The following AEBP2 variants were observed in gnomAD, a reference collection of about 807,000 sequenced individuals.
AEBP2 encodes the protein zinc finger protein AEBP2.
Under a neutral mutation model 50.8 loss-of-function variants are expected in AEBP2, and 10 were observed. The observed-to-expected ratio is 0.20, with a 90% CI of 0.12 to 0.33. The LOEUF is 0.33. AEBP2 is among the 10% of genes least tolerant of loss of function. The pLI is 1.00. For synonymous variants in AEBP2, 296 were observed against 261.3 expected, an observed-to-expected ratio of 1.13 and a Z score of -1.28; for missense variants, 570 against 688.0, an observed-to-expected ratio of 0.83 and a Z score of 1.92.
chr12:19,429,629 T>C (rs2095750407), intron 1 of AEBP2, among the ~76,000 whole-genome samples: 1 of 152,208 alleles, frequency 6.6e-6, no homozygotes, highest in Non-Finnish European at 1.5e-5. Context: ...CCACATCCTC[T>C]CCAGCACCTG....
chr12:19,462,620 A>G lies in AEBP2; in HGVS notation c.782A>G (p.Tyr261Cys), dbSNP rs1948399435. 5 of 1,613,986 alleles carry G rather than the reference A, an allele frequency of 3.1e-6. No homozygotes were observed. In the South Asian group the frequency reaches 4.4e-5, roughly 14 times the overall value. ...STTSSSKNIA[Y>C]NCCWDQCQAC... ...ACTTCTTCAAGCAAAAATATTGCCT[A>G]TAATTGTTGTTGGGACCAGTGCCAG... The change falls in exon 2 of 8, where the codon TAT becomes TGT. Residue 261 changes from tyrosine (Y) to cysteine (C), a missense_variant. Physicochemically the swap from Tyr to Cys is radical, Grantham distance 194. This residue lies in a region of AEBP2 where 184 missense variants were observed against 351.2 expected (regional missense o/e 0.52). Transcript: ENST00000266508.
At chr12:19,502,674 C>T (rs1949100010) in intron 5 of AEBP2, among the ~76,000 whole-genome samples, 1 of 148,614 alleles carries the variant, frequency 6.7e-6, no homozygotes, top group African/African-American at 2.5e-5. Flanking sequence ...TTGAGATGGA[C>T]TTTCGCTCTT....
intron 1 of AEBP2, among the ~76,000 whole-genome samples, chr12:19,416,235 A>C (rs2153363884): frequency 6.6e-6 from 1 of 152,286 alleles, no homozygotes; most frequent in African/African-American, 2.4e-5. Flanking sequence ...TGTATCTGCC[A>C]AACAGAATTT....
rs560804181 is a variant in AEBP2, at chr12:19,473,440, C to T, written c.987+85C>T. 9.3e-4 allele frequency: 506 copies of T among 544,970 alleles called. 3 individuals are homozygous for T. The African/African-American group carries it at 9.6e-3, about 10-fold the overall frequency. 33.8% of individuals were successfully genotyped at this position (544,970 alleles called of 1,614,324 possible). On this transcript the variant is annotated intron_variant, in intron 3 of 7. Transcript: ENST00000266508. ...TTATTTATGACAGAAGAGTCTCACTCTGTTGCCCAGGCTGGAGTGCAATGG... is the reference window on the plus strand; with the variant it reads ...TTATTTATGACAGAAGAGTCTCACTTTGTTGCCCAGGCTGGAGTGCAATGG...
intron 1 of AEBP2, chr12:19,456,198 C>G: frequency 7.6e-7 from 1 of 1,317,802 alleles, no homozygotes; most frequent in Non-Finnish European, 1.1e-6. Context: ...TGAGACCATT[C>G]TTCCACCACT....
At chr12:19,507,634 C>T (rs1475105047) in intron 5 of AEBP2, among the ~76,000 whole-genome samples, 2 of 149,834 alleles carry the variant, frequency 1.3e-5, no homozygotes, top group Non-Finnish European at 2.9e-5. Context: ...GGAAAAGTCA[C>T]AAAGGTGGAA....
Position 19,520,972 on chromosome 12 carries a change from A to G in AEBP2, c.*2855A>G, listed in dbSNP as rs984283142. Reference sequence around the variant, plus strand: ...TGTTGTATAAAATTACCTTCAGTCTATGTGTATAAGGTGTTTGTGAGATAT... The same window carrying G: ...TGTTGTATAAAATTACCTTCAGTCTGTGTGTATAAGGTGTTTGTGAGATAT... On this transcript the variant is annotated 3_prime_UTR_variant, in exon 8 of 8. Transcript: ENST00000266508. The G allele has an allele frequency of 7.2e-5, 11 of 152,174 alleles. No homozygotes were observed. The highest frequency in any genetic ancestry group is 3.3e-4 in the Admixed American group (5 of 15,266). The allele number at this position is 152,174 out of a possible 1,614,324, so 9.4% of individuals were successfully genotyped here.
chr12:19,487,477 G>A (rs766582744), intron 3 of AEBP2, among the ~76,000 whole-genome samples: 3 of 152,140 alleles, frequency 2.0e-5, no homozygotes, highest in Non-Finnish European at 2.9e-5. Flanking sequence ...CAGCACTTTG[G>A]GAGGCCAAGG....
chr12:19,484,520 A>G (rs1486469900), intron 3 of AEBP2, among the ~76,000 whole-genome samples: 1 of 151,590 alleles, frequency 6.6e-6, no homozygotes, highest in East Asian at 1.9e-4. Context: ...GACTACAGGT[A>G]CCCACCACCA....
intron 1 of AEBP2, among the ~76,000 whole-genome samples, chr12:19,454,821 C>G (rs955313653): frequency 6.6e-6 from 1 of 152,130 alleles, no homozygotes; most frequent in Non-Finnish European, 1.5e-5. Context: ...AGCTACAACA[C>G]AAATGAATTT....
In AEBP2 at chr12:19,439,960, C is replaced by G. The variant is rs1345010081; in HGVS notation, c.261C>G (p.Pro87=). ...CAGAGACGATGTCGGAGCCGAGCCC[C>G]GAGAGCGCCAGCCAGGCCGGGGAGG... The part of the protein sequence containing the change: ...GEAETMSEPS[P]ESASQAGEDE... The change falls in exon 1 of 8, where the codon CCC becomes CCG. Residue 87 remains proline, a synonymous_variant. Coordinates refer to ENST00000266508, the MANE Select transcript of AEBP2 (RefSeq NM_153207.5). The G allele has an allele frequency of 2.0e-6, 3 of 1,517,820 alleles. No individual in the cohort carries two copies. The highest frequency in any genetic ancestry group is 2.6e-6 in the Non-Finnish European group (3 of 1,139,764). 94.0% of individuals were successfully genotyped at this position (1,517,820 alleles called of 1,614,324 possible).
chr12:19,424,644 C>A (rs2095747605), intron 1 of AEBP2, among the ~76,000 whole-genome samples: 1 of 151,886 alleles, frequency 6.6e-6, no homozygotes, highest in East Asian at 2.0e-4. Flanking sequence ...GATCCGCCCG[C>A]CTCAGCCTCC....
intron 1 of AEBP2, among the ~76,000 whole-genome samples, chr12:19,414,768 C>A (rs2153363649): frequency 6.6e-6 from 1 of 152,184 alleles, no homozygotes; most frequent in Middle Eastern, 3.4e-3. Flanking sequence ...ACCAAAAATA[C>A]AAAAATTAGC....
intron 1 of AEBP2, among the ~76,000 whole-genome samples, chr12:19,410,543 G>A (rs1390781233): frequency 1.3e-5 from 2 of 152,094 alleles, no homozygotes; most frequent in African/African-American, 2.4e-5. Flanking sequence ...AATACCCTGC[G>A]CTCTCCCTAG....
intron 3 of AEBP2, among the ~76,000 whole-genome samples, chr12:19,480,821 G>C (rs533203227): frequency 1.4e-4 from 21 of 152,198 alleles, no homozygotes; most frequent in African/African-American, 4.8e-4. Context: ...TCTTGTATTT[G>C]GGTGTCTACC....
chr12:19,454,311 C>T, intron 1 of AEBP2, among the ~76,000 whole-genome samples: 1 of 152,152 alleles, frequency 6.6e-6, no homozygotes, highest in South Asian at 2.1e-4. Context: ...GTGACCAGAA[C>T]CTCACACTGA....
At chr12:19,476,354 T>C (rs527579652) in intron 3 of AEBP2, among the ~76,000 whole-genome samples, 33 of 152,180 alleles carry the variant, frequency 2.2e-4, no homozygotes, top group African/African-American at 7.7e-4. Context: ...TAGTTTTTAT[T>C]TTTTTGAGAC....
chr12:19,413,321 A>C, intron 1 of AEBP2: 1 of 1,236,176 alleles, frequency 8.1e-7, no homozygotes, highest in Non-Finnish European at 1.2e-6. Context: ...ACAGATGGCA[A>C]GATATGGACA....
At chr12:19,467,629 GATTAGACTC>G (rs1168592278) in intron 2 of AEBP2, among the ~76,000 whole-genome samples, 2 of 152,164 alleles carry the variant, frequency 1.3e-5, no homozygotes, top group African/African-American at 2.4e-5. Context: ...GGTTTCTGAA[GATTAGACTC>G]TGAGTTATCT....
Sources: allele counts gnomAD v4.1 joint callset (sites outside exome capture counted in the v4.1 genomes callset), GRCh38; gene constraint gnomAD v4.1.1; regional missense constraint gnomAD v4.1.1; transcripts MANE v1.5; gene names NCBI Gene and HGNC (gene_info 2026-07-23, HGNC 2026-07-21).